Variants in ZFYVE9 observed in about 807,000 individuals in gnomAD.
ZFYVE9 encodes zinc finger FYVE domain-containing protein 9.
ZFYVE9 carries 43 observed loss-of-function variants against 126.7 expected under a neutral mutation model. That is an observed-to-expected ratio of 0.34 (90% CI 0.27 to 0.44). The LOEUF (loss-of-function observed/expected upper bound fraction) is 0.44. Among genes scored for constraint, ZFYVE9 ranks in the 20% least tolerant of loss-of-function variants. The pLI is 1.00. For missense variants in ZFYVE9, 1,476 were observed against 1,697.0 expected (o/e 0.87, Z 2.29); for synonymous variants, 521 against 597.4 (o/e 0.87, Z 1.87).
chr1:52,200,004 C>A (rs1286981150), intron 1 of ZFYVE9, among the ~76,000 whole-genome samples: 4 of 144,208 alleles, frequency 2.8e-5, no homozygotes, highest in Non-Finnish European at 4.5e-5. Flanking sequence ...CTGTACAGGT[C>A]TTTGGCCTGT....
chr1:52,176,297 G>T (rs1264800209), intron 1 of ZFYVE9, among the ~76,000 whole-genome samples: 2 of 152,190 alleles, frequency 1.3e-5, no homozygotes, highest in East Asian at 3.9e-4. Context: ...AGCAGTGGTG[G>T]CTGTAGAACA....
At chr1:52,297,583 C>A (rs1194470044) in intron 12 of ZFYVE9, among the ~76,000 whole-genome samples, 1 of 152,006 alleles carries the variant, frequency 6.6e-6, no homozygotes, top group Non-Finnish European at 1.5e-5. Flanking sequence ...AATTCCAGAG[C>A]ACTGAAATGG....
intron 2 of ZFYVE9, among the ~76,000 whole-genome samples, chr1:52,224,885 T>G (rs1645155258): frequency 6.6e-6 from 1 of 152,162 alleles, no homozygotes; most frequent in African/African-American, 2.4e-5. Context: ...CTTTTCCCAC[T>G]GGAGGTTTCT....
intron 2 of ZFYVE9, among the ~76,000 whole-genome samples, chr1:52,217,692 A>G (rs1054449502): frequency 6.6e-5 from 10 of 152,304 alleles, no homozygotes; most frequent in Non-Finnish European, 1.5e-4. Flanking sequence ...CCACCTTTCC[A>G]TTAGGCCTGT....
chr1:52,146,520 G>A (rs1312975746), intron 1 of ZFYVE9, among the ~76,000 whole-genome samples: 1 of 151,990 alleles, frequency 6.6e-6, no homozygotes. Flanking sequence ...CCCTCTTTAA[G>A]TCTCAATTTT....
Position 52,346,477 on chromosome 1 carries a change from A to G in ZFYVE9, c.*256A>G. 2.3e-6 allele frequency: 1 copy of G among 426,408 alleles called. No homozygotes were observed. The highest frequency in any genetic ancestry group is 4.1e-6 in the Non-Finnish European group (1 of 241,736). The allele number at this position is 426,408 out of a possible 1,614,324, so 26.4% of individuals were successfully genotyped here. On this transcript the variant is annotated 3_prime_UTR_variant, in exon 19 of 19. Transcript: ENST00000287727. ...TCTGTTCCTGCACAACAGTTATGCT[A>G]TCCTTGCAGCTAATCCCCTTCTGTT...
At chr1:52,264,453 T>C (rs1645613730) in intron 5 of ZFYVE9, among the ~76,000 whole-genome samples, 1 of 152,174 alleles carries the variant, frequency 6.6e-6, no homozygotes, top group Non-Finnish European at 1.5e-5. Flanking sequence ...AAAAAGAATA[T>C]GGCCGGGGAA....
intron 15 of ZFYVE9, among the ~76,000 whole-genome samples, chr1:52,335,629 C>T (rs1193460332): frequency 6.6e-6 from 1 of 152,024 alleles, no homozygotes; most frequent in African/African-American, 2.4e-5. Flanking sequence ...TGTGACCCAC[C>T]CTTTAAAGTT....
In ZFYVE9 at chr1:52,303,071, C is replaced by T. The variant is rs974361774; in HGVS notation, c.3334-750C>T. ...GTTGTACTGAGCCAAGATGGCACCA[C>T]TGCACTCCAGCTCGGGCAACAGAGT... On this transcript the variant is annotated intron_variant, in intron 12 of 18. Transcript: ENST00000287727. Among the ~76,000 whole-genome samples the T allele has an allele frequency of 4.6e-5, 7 of 152,294 alleles. No homozygotes were observed. The South Asian group carries it at 1.0e-3, about 23-fold the overall frequency.
intron 8 of ZFYVE9, among the ~76,000 whole-genome samples, chr1:52,275,891 C>G (rs780081658): frequency 6.6e-6 from 1 of 150,658 alleles, no homozygotes; most frequent in Non-Finnish European, 1.5e-5. Flanking sequence ...AAATTACTTA[C>G]CTTAGCAAGC....
chr1:52,181,999 A>G (rs1255241984), intron 1 of ZFYVE9, among the ~76,000 whole-genome samples: 1 of 146,122 alleles, frequency 6.8e-6, no homozygotes, highest in Non-Finnish European at 1.5e-5. Context: ...GAGGGAGGCG[A>G]GGGGGTCAGC....
At chr1:52,148,636 A>T (rs115653978) in intron 1 of ZFYVE9, among the ~76,000 whole-genome samples, 3,084 of 151,644 alleles carry the variant, frequency 0.02, 96 homozygotes, top group African/African-American at 0.068. Flanking sequence ...TATTAATATG[A>T]ATATTTCTTT....
At chr1:52,305,342 T>C (rs1485737780) in intron 13 of ZFYVE9, among the ~76,000 whole-genome samples, 1 of 152,208 alleles carries the variant, frequency 6.6e-6, no homozygotes, top group Non-Finnish European at 1.5e-5. Flanking sequence ...GGCAGGAGAA[T>C]TGCTTGAACA....
intron 3 of ZFYVE9, among the ~76,000 whole-genome samples, chr1:52,234,943 A>G (rs1178365550): frequency 6.6e-6 from 1 of 152,220 alleles, no homozygotes; most frequent in Non-Finnish European, 1.5e-5. Flanking sequence ...CTATGCTTCT[A>G]GAATACCACT....
chr1:52,247,336 A>G (rs1319675129), intron 4 of ZFYVE9, among the ~76,000 whole-genome samples: 1 of 152,186 alleles, frequency 6.6e-6, no homozygotes. Flanking sequence ...CTCCCTTTCA[A>G]TATCTAGTCT....
intron 10 of ZFYVE9, among the ~76,000 whole-genome samples, chr1:52,289,715 G>A (rs1380520783): frequency 5.9e-5 from 9 of 152,146 alleles, no homozygotes; most frequent in Admixed American, 5.9e-4. Flanking sequence ...CCTGTGCAGT[G>A]TTACTTGTTT....
chr1:52,248,381 T>G (rs545783726), intron 4 of ZFYVE9, among the ~76,000 whole-genome samples: 22 of 152,106 alleles, frequency 1.4e-4, no homozygotes, highest in African/African-American at 4.6e-4. Context: ...TATCTTTGCT[T>G]CTTCTGCCTG....
chr1:52,325,678 T>C (rs923992109), intron 13 of ZFYVE9, among the ~76,000 whole-genome samples: 6 of 152,354 alleles, frequency 3.9e-5, no homozygotes, highest in East Asian at 1.9e-4. Flanking sequence ...TTCCTACTTA[T>C]TCGGTTTACT....
At chr1:52,155,527 C>T (rs1023812129) in intron 1 of ZFYVE9, among the ~76,000 whole-genome samples, 1 of 152,180 alleles carries the variant, frequency 6.6e-6, no homozygotes, top group Non-Finnish European at 1.5e-5. Context: ...AGCCACCACG[C>T]CCGGCCACAG....
Sources: allele counts gnomAD v4.1 joint callset (sites outside exome capture counted in the v4.1 genomes callset), GRCh38; gene constraint gnomAD v4.1.1; transcripts MANE v1.5; gene names NCBI Gene and HGNC (gene_info 2026-07-23, HGNC 2026-07-21).